Variants in TNFRSF21 observed in about 807,000 individuals in gnomAD.
The protein encoded by TNFRSF21 is tumor necrosis factor receptor superfamily member 21.
Under a neutral mutation model 45.6 loss-of-function variants are expected in TNFRSF21, and 19 were observed. The ratio of observed to expected loss-of-function variants is 0.42; its 90% confidence interval spans 0.29 to 0.61. TNFRSF21 has a LOEUF of 0.61. TNFRSF21 is among the 20% of genes least tolerant of loss of function. TNFRSF21 has a pLI of 0.23. For synonymous variants in TNFRSF21, 314 were observed against 335.5 expected, an observed-to-expected ratio of 0.94 and a Z score of 0.70; for missense variants, 737 against 851.5, an observed-to-expected ratio of 0.87 and a Z score of 1.67.
chr6:47,297,842 C>A (rs934155517), intron 1 of TNFRSF21, among the ~76,000 whole-genome samples: 14 of 152,154 alleles, frequency 9.2e-5, no homozygotes, highest in Middle Eastern at 6.8e-3. Flanking sequence ...TTTTAAAACA[C>A]CCCAATTAAA....
intron 4 of TNFRSF21, among the ~76,000 whole-genome samples, chr6:47,246,606 T>C (rs1382995982): frequency 1.3e-5 from 2 of 152,206 alleles, no homozygotes; most frequent in Non-Finnish European, 2.9e-5. Flanking sequence ...AAACCTTATT[T>C]CTATACCTTA....
At chr6:47,299,698 G>C (rs960302240) in intron 1 of TNFRSF21, among the ~76,000 whole-genome samples, 2 of 152,108 alleles carry the variant, frequency 1.3e-5, no homozygotes, top group Non-Finnish European at 2.9e-5. Flanking sequence ...GATATCCCTA[G>C]GAGCTATTGA....
At chr6:47,287,307 CAAAAAAAAA>C (rs1164380285) in intron 1 of TNFRSF21, among the ~76,000 whole-genome samples, 7 of 20,872 alleles carry the variant, frequency 3.4e-4, no homozygotes, top group Non-Finnish European at 7.9e-4. Flanking sequence ...AACTCTTTCT[CAAAAAAAAA>C]AAAAAAAAAA....
At chr6:47,256,102 A>G (rs1334204860) in intron 3 of TNFRSF21, among the ~76,000 whole-genome samples, 1 of 152,256 alleles carries the variant, frequency 6.6e-6, no homozygotes, top group Admixed American at 6.5e-5. Context: ...CTCAACACGC[A>G]TTCTTACTTT....
At chr6:47,258,230 C>T (rs1393882299) in intron 3 of TNFRSF21, among the ~76,000 whole-genome samples, 2 of 151,732 alleles carry the variant, frequency 1.3e-5, no homozygotes, top group African/African-American at 4.8e-5. Flanking sequence ...ATTAGCGAGG[C>T]GTGGTGGTGC....
At chr6:47,266,687 C>A (rs187734187) in intron 3 of TNFRSF21, among the ~76,000 whole-genome samples, 1 of 152,252 alleles carries the variant, frequency 6.6e-6, no homozygotes, top group Non-Finnish European at 1.5e-5. Context: ...GAATTTCAAT[C>A]CTAAAATACA....
chr6:47,295,947 C>T (rs1207337271), intron 1 of TNFRSF21, among the ~76,000 whole-genome samples: 2 of 152,180 alleles, frequency 1.3e-5, no homozygotes, highest in African/African-American at 4.8e-5. Flanking sequence ...AAAGGAAAAG[C>T]CATGTGAGAC....
At chr6:47,259,470 G>A (rs539871507) in intron 3 of TNFRSF21, among the ~76,000 whole-genome samples, 2 of 152,232 alleles carry the variant, frequency 1.3e-5, no homozygotes, top group South Asian at 4.2e-4. Context: ...CACCTCCTGG[G>A]TTCAAGAGAT....
intron 1 of TNFRSF21, among the ~76,000 whole-genome samples, chr6:47,301,449 A>G (rs190080815): frequency 6.6e-6 from 1 of 152,370 alleles, no homozygotes. Context: ...ACTTCTACAC[A>G]TAAAAGAATA....
At chr6:47,301,403 G>A (rs2113870657) in intron 1 of TNFRSF21, among the ~76,000 whole-genome samples, 1 of 152,340 alleles carries the variant, frequency 6.6e-6, no homozygotes, top group South Asian at 2.1e-4. Context: ...GACCAGGTCT[G>A]CAAGGTTTAA....
chr6:47,307,809 A>T (rs1271748934), intron 1 of TNFRSF21, among the ~76,000 whole-genome samples: 2 of 152,240 alleles, frequency 1.3e-5, no homozygotes, highest in African/African-American at 4.8e-5. Flanking sequence ...ACAATGACTT[A>T]AGATTTAATC....
intron 3 of TNFRSF21, among the ~76,000 whole-genome samples, chr6:47,274,366 C>T (rs924129200): frequency 6.6e-6 from 1 of 152,050 alleles, no homozygotes; most frequent in Non-Finnish European, 1.5e-5. Flanking sequence ...TTTGACAAAC[C>T]TGACAAAAAC....
intron 4 of TNFRSF21, among the ~76,000 whole-genome samples, chr6:47,236,999 A>G (rs563480299): frequency 6.6e-6 from 1 of 152,168 alleles, no homozygotes. Context: ...TTTCACCAAA[A>G]GGTCCTATTA....
rs953218635 is a variant in TNFRSF21, at chr6:47,236,696, T to C, written c.1510-1798A>G. Among the ~76,000 whole-genome samples the C allele has an allele frequency of 2.0e-5, 3 of 152,358 alleles. No homozygotes were observed. In the East Asian group the frequency reaches 5.8e-4, roughly 29 times the overall value. ...GACCTACAGACAAATGTTACGTATA[T>C]GCTTGTAAAATGTTAATTCCATAGG... is the stretch of plus-strand genomic sequence containing the variant. On this transcript the variant is annotated intron_variant, in intron 4 of 5. Coordinates refer to ENST00000296861, the MANE Select transcript of TNFRSF21 (RefSeq NM_014452.5).
rs1372040314 is a variant in TNFRSF21, at chr6:47,284,266, G to T, written c.915C>A (p.His305Gln). The change falls in exon 3 of 6, where the codon CAC becomes CAA. Residue 305 changes from histidine to glutamine, a missense_variant. Transcript: ENST00000296861. ...GCAGCAGCTTCAGGATGTGTCTGTG[G>T]TGGGGGCCTTGCTGGTGGTTGACTA... The part of the protein sequence containing the change: ...LQVVNHQQGP[H>Q]HRHILKLLPS... 1 of 1,612,858 alleles carries T rather than the reference G, an allele frequency of 6.2e-7. No homozygotes were observed. The highest frequency in any genetic ancestry group is 1.7e-5 in the Admixed American group (1 of 59,948).
At chr6:47,245,070 T>G (rs1350115399) in intron 4 of TNFRSF21, among the ~76,000 whole-genome samples, 1 of 152,170 alleles carries the variant, frequency 6.6e-6, no homozygotes, top group Non-Finnish European at 1.5e-5. Flanking sequence ...TTCCTCCCAA[T>G]GCACTTTTTG....
intron 3 of TNFRSF21, among the ~76,000 whole-genome samples, chr6:47,270,812 A>G (rs926421173): frequency 6.6e-5 from 10 of 152,216 alleles, no homozygotes; most frequent in Non-Finnish European, 1.5e-4. Flanking sequence ...CAGTGTAGAG[A>G]AGACCTTAAA....
At chr6:47,243,013 C>T (rs1329153237) in intron 4 of TNFRSF21, among the ~76,000 whole-genome samples, 1 of 152,182 alleles carries the variant, frequency 6.6e-6, no homozygotes, top group Non-Finnish European at 1.5e-5. Context: ...AAAGTAATTT[C>T]GTAGGAAACT....
chr6:47,288,001 G>A (rs1582352885), intron 1 of TNFRSF21, among the ~76,000 whole-genome samples: 2 of 152,154 alleles, frequency 1.3e-5, no homozygotes, highest in Admixed American at 1.3e-4. Flanking sequence ...ACTCTTTACA[G>A]AAGTTGAAAA....
Sources: allele counts gnomAD v4.1 joint callset (sites outside exome capture counted in the v4.1 genomes callset), GRCh38; gene constraint gnomAD v4.1.1; transcripts MANE v1.5; gene names NCBI Gene and HGNC (gene_info 2026-07-23, HGNC 2026-07-21).